The following IL2RA variants were observed in gnomAD, a reference collection of about 807,000 sequenced individuals.
The protein encoded by IL2RA is interleukin-2 receptor subunit alpha.
IL2RA carries 24 observed loss-of-function variants against 37.8 expected under a neutral mutation model. The observed-to-expected ratio is 0.63, with a 90% CI of 0.46 to 0.89. The LOEUF (loss-of-function observed/expected upper bound fraction) is 0.89. Ranked by LOEUF, IL2RA falls within the 40% of genes least tolerant of loss-of-function variation. IL2RA has a pLI of 0.00. For synonymous variants in IL2RA, 125 were observed against 114.6 expected (o/e 1.09, Z -0.58); for missense variants, 319 against 348.6 (o/e 0.92, Z 0.68).
At chr10:6,042,693 C>G (rs753056224) in intron 1 of IL2RA, among the ~76,000 whole-genome samples, 1 of 151,984 alleles carries the variant, frequency 6.6e-6, no homozygotes, top group Non-Finnish European at 1.5e-5. Context: ...AGGCCAACAA[C>G]CCAATAAAAA....
chr10:6,018,220 A>T lies in IL2RA; in HGVS notation c.728-101T>A. ...CAGGCTGAGGACATCCCCAAAGAGC[A>T]AGGCGGAGGCTGCAGCCTCTCTTCC... On this transcript the variant is annotated intron_variant, in intron 6 of 7. Coordinates refer to ENST00000379959, the MANE Select transcript of IL2RA (RefSeq NM_000417.3). This position sits in a 1 kb window ranked among gnomAD's most constrained non-coding sequence, Gnocchi z 5.1. 2.3e-6 allele frequency: 2 copies of T among 860,546 alleles called. No homozygotes were observed. The highest frequency in any genetic ancestry group is 2.8e-5 in the South Asian group (2 of 72,172). 53.3% of individuals were successfully genotyped at this position (860,546 alleles called of 1,614,324 possible).
At position 6,062,216 on chromosome 10, in the gene IL2RA, TGCCGTCA is replaced by T; in HGVS notation, c.-72_-66del. 1 of 1,399,546 alleles carries T rather than the reference TGCCGTCA, an allele frequency of 7.1e-7. No individual in the cohort carries two copies. Among genetic ancestry groups the T allele is most frequent in the Non-Finnish European group, 1.0e-6 (1 of 985,264 alleles). The allele number at this position is 1,399,546 out of a possible 1,614,324, so 86.7% of individuals were successfully genotyped here. ...GGTCTTTCTCTGCAGAAGGCCCAGTTGCCGTCAGCCTCTTTTTGGCATCGCGCCGGAG... is the reference window on the plus strand; with the variant it reads ...GGTCTTTCTCTGCAGAAGGCCCAGTTGCCTCTTTTTGGCATCGCGCCGGAG... On this transcript the variant is annotated 5_prime_UTR_variant, in exon 1 of 8. An upstream open reading frame in the 5' UTR loses its in-frame stop. Coordinates refer to ENST00000379959, the MANE Select transcript of IL2RA (RefSeq NM_000417.3).
intron 1 of IL2RA, among the ~76,000 whole-genome samples, chr10:6,031,524 A>G (rs12264061): frequency 0.066 from 7,747 of 116,970 alleles, 450 homozygotes; most frequent in African/African-American, 0.14. Flanking sequence ...ATATATATGT[A>G]TATATATATC....
intron 1 of IL2RA, among the ~76,000 whole-genome samples, chr10:6,032,418 T>C (rs990280616): frequency 1.4e-4 from 21 of 151,594 alleles, no homozygotes; most frequent in African/African-American, 3.6e-4. Context: ...GTAGGCAGGG[T>C]GTGGTGGCTC....
rs1450542778 is a variant in IL2RA at position 6,046,830 on chromosome 10, G to A, written c.64+15258C>T. On this transcript the variant is annotated intron_variant, in intron 1 of 7. Transcript: ENST00000379959. This position sits in a 1 kb window ranked among gnomAD's most constrained non-coding sequence, Gnocchi z 4.8. ...CAGATACCTCAGGGTTAGTGGGGGT[G>A]AGCTCAGATGCTCCTGCAATGGGCA... 6.6e-6 allele frequency among the ~76,000 whole-genome samples: 1 copy of A among 152,214 alleles called. No individual in the cohort carries two copies. The highest frequency in any genetic ancestry group is 1.5e-5 in the Non-Finnish European group (1 of 68,034).
rs778110131 is a variant in IL2RA at position 6,058,911 on chromosome 10, C to G, written c.64+3177G>C. Among the ~76,000 whole-genome samples, 6 of 152,122 alleles carry G rather than the reference C, an allele frequency of 3.9e-5. No homozygotes were observed. Among genetic ancestry groups the G allele is most frequent in the Non-Finnish European group, 7.3e-5 (5 of 68,028 alleles). The stretch of plus-strand genomic sequence containing the variant: ...AGTTGACTAATATGTCCTCATAAAC[C>G]CTTGCCATGTTAAATGGTGGCTTTG... On this transcript the variant is annotated intron_variant, in intron 1 of 7. Transcript: ENST00000379959. The surrounding 1 kb of genome is among the most constrained non-coding windows in gnomAD (Gnocchi z 4.2).
chr10:6,020,213 C>T lies in IL2RA; in HGVS notation c.584-272G>A, dbSNP rs1478067897. Reference sequence around the variant, plus strand: ...GAGCAATGCTTTCTCCCCAGCCTCCCTCCCCAGTCCTGGTTTCCATCTGTG... The same window carrying T: ...GAGCAATGCTTTCTCCCCAGCCTCCTTCCCCAGTCCTGGTTTCCATCTGTG... On this transcript the variant is annotated intron_variant, in intron 4 of 7. Transcript: ENST00000379959. This position sits in a 1 kb window ranked among gnomAD's most constrained non-coding sequence, Gnocchi z 5.6. Among the ~76,000 whole-genome samples, 1 of 152,172 alleles carries T rather than the reference C, an allele frequency of 6.6e-6. No homozygotes were observed. Among genetic ancestry groups the T allele is most frequent in the Non-Finnish European group, 1.5e-5 (1 of 68,016 alleles).
In IL2RA at chr10:6,018,682, C is replaced by T. The variant is rs987969835; in HGVS notation, c.728-563G>A. On this transcript the variant is annotated intron_variant, in intron 6 of 7. Transcript: ENST00000379959. This position sits in a 1 kb window ranked among gnomAD's most constrained non-coding sequence, Gnocchi z 5.1. Reference sequence around the variant, plus strand: ...GGCAGAGGCCCGGGGTACAGCCCTTCCAGATCAGCTTGAGAGGAGCTGATA... The same window carrying T: ...GGCAGAGGCCCGGGGTACAGCCCTTTCAGATCAGCTTGAGAGGAGCTGATA... Among the ~76,000 whole-genome samples the T allele has an allele frequency of 7.9e-5, 12 of 152,176 alleles. No individual in the cohort carries two copies. The highest frequency in any genetic ancestry group is 2.1e-4 in the South Asian group (1 of 4,828).
At chr10:6,045,988 G>A (rs752308952) in intron 1 of IL2RA, among the ~76,000 whole-genome samples, 8 of 152,148 alleles carry the variant, frequency 5.3e-5, no homozygotes, top group Admixed American at 5.2e-4. Flanking sequence ...GTGAGGGCCG[G>A]TCCTGTTAAC....
chr10:6,036,853 G>A lies in IL2RA; in HGVS notation c.65-10828C>T, dbSNP rs1839691579. On this transcript the variant is annotated intron_variant, in intron 1 of 7. Coordinates refer to ENST00000379959, the MANE Select transcript of IL2RA (RefSeq NM_000417.3). This position sits in a 1 kb window ranked among gnomAD's most constrained non-coding sequence, Gnocchi z 6.1. ...ATCCCGGTTGGCTGCTCTAGAGCCG[G>A]CAGGACGGATGCTGAGGTTGTTCGC... Among the ~76,000 whole-genome samples, 1 of 152,188 alleles carries A rather than the reference G, an allele frequency of 6.6e-6. No homozygotes were observed. The highest frequency in any genetic ancestry group is 2.4e-5 in the African/African-American group (1 of 41,450).
intron 1 of IL2RA, among the ~76,000 whole-genome samples, chr10:6,026,914 G>A (rs553822208): frequency 2.7e-4 from 41 of 152,172 alleles, no homozygotes; most frequent in Non-Finnish European, 5.1e-4. Flanking sequence ...GTTGTGTATT[G>A]GTCATTCAGG....
chr10:6,027,050 A>C (rs1272343484), intron 1 of IL2RA, among the ~76,000 whole-genome samples: 1 of 152,184 alleles, frequency 6.6e-6, no homozygotes, highest in Non-Finnish European at 1.5e-5. Flanking sequence ...GGCTGGGTGC[A>C]ATGGCTCATG....
intron 1 of IL2RA, among the ~76,000 whole-genome samples, chr10:6,032,435 G>A (rs1839610441): frequency 6.6e-6 from 1 of 152,164 alleles, no homozygotes; most frequent in African/African-American, 2.4e-5. Context: ...GCTCACGCCT[G>A]TAATCCCAGC....
intron 1 of IL2RA, among the ~76,000 whole-genome samples, chr10:6,043,332 A>G (rs1056129302): frequency 1.3e-5 from 2 of 152,254 alleles, no homozygotes; most frequent in African/African-American, 4.8e-5. Flanking sequence ...CATGAGATAC[A>G]GCCCAGATTC....
intron 1 of IL2RA, among the ~76,000 whole-genome samples, chr10:6,049,841 C>G (rs1042338698): frequency 6.6e-6 from 1 of 152,212 alleles, no homozygotes; most frequent in South Asian, 2.1e-4. Context: ...CTTTTCCATT[C>G]TCTCAAGACG....
rs576098233 is a variant in IL2RA, at chr10:6,018,883, C to A, written c.727+545G>T. On this transcript the variant is annotated intron_variant, in intron 6 of 7. Coordinates refer to ENST00000379959, the MANE Select transcript of IL2RA (RefSeq NM_000417.3). This position sits in a 1 kb window ranked among gnomAD's most constrained non-coding sequence, Gnocchi z 5.1. Reference sequence around the variant, plus strand: ...ACCAACTAACAAACCTACTAACCTACCAACAAACTAACCAACCAACCAATC... The same window carrying A: ...ACCAACTAACAAACCTACTAACCTAACAACAAACTAACCAACCAACCAATC... Among the ~76,000 whole-genome samples, 2 of 152,186 alleles carry A rather than the reference C, an allele frequency of 1.3e-5. No individual in the cohort carries two copies. The highest frequency in any genetic ancestry group is 4.2e-4 in the South Asian group (2 of 4,810).
Position 6,011,903 on chromosome 10 carries a change from C to T in IL2RA, c.*969G>A, listed in dbSNP as rs12722602. On this transcript the variant is annotated 3_prime_UTR_variant, in exon 8 of 8. Coordinates refer to ENST00000379959, the MANE Select transcript of IL2RA (RefSeq NM_000417.3). The surrounding 1 kb of genome is among the most constrained non-coding windows in gnomAD (Gnocchi z 5.2). ...GACCTCCATCCCTTCTCCCTCTTCA[C>T]TTCCTTCTTTCTTTCCTTCCTTGCA... is the stretch of plus-strand genomic sequence containing the variant. The T allele has an allele frequency of 0.1, 15,935 of 152,396 alleles. 918 individuals are homozygous for T. Among genetic ancestry groups the T allele is most frequent in the African/African-American group, 0.14 (5,801 of 41,530 alleles). The allele number at this position is 152,396 out of a possible 1,614,324, so 9.4% of individuals were successfully genotyped here.
intron 7 of IL2RA, among the ~76,000 whole-genome samples, chr10:6,013,641 C>T (rs9663421): frequency 0.22 from 33,586 of 152,060 alleles, 4,358 homozygotes; most frequent in Admixed American, 0.31. Flanking sequence ...TCACTGATCA[C>T]GCGGTTGGGA....
Position 6,025,564 on chromosome 10 carries a change from G to A in IL2RA, c.256+270C>T, listed in dbSNP as rs536424992. Among the ~76,000 whole-genome samples, 1 of 152,042 alleles carries A rather than the reference G, an allele frequency of 6.6e-6. No individual in the cohort carries two copies. The highest frequency in any genetic ancestry group is 2.1e-4 in the South Asian group (1 of 4,820). On this transcript the variant is annotated intron_variant, in intron 2 of 7. Coordinates refer to ENST00000379959, the MANE Select transcript of IL2RA (RefSeq NM_000417.3). This position sits in a 1 kb window ranked among gnomAD's most constrained non-coding sequence, Gnocchi z 4.4. Reference sequence around the variant, plus strand: ...CCAGCTACTCAGGAGGCTGAGGCAGGAGAATCACTTGAAGCCAGGAGGCGG... The same window carrying A: ...CCAGCTACTCAGGAGGCTGAGGCAGAAGAATCACTTGAAGCCAGGAGGCGG...
Sources: gnomAD v4.1 joint callset for allele counts (sites outside exome capture counted in the v4.1 genomes callset) on GRCh38, gnomAD v4.1.1 for gene constraint, Gnocchi (gnomAD v3.1) non-coding constraint, MANE v1.5 for transcripts, NCBI Gene and HGNC (gene_info 2026-07-23, HGNC 2026-07-21) for gene names.